Variants in A2ML1 observed in about 807,000 individuals in gnomAD.
A2ML1 encodes alpha-2-macroglobulin like 1, also known as alpha-2-macroglobulin-like protein 1.
Under a neutral mutation model 181.9 loss-of-function variants are expected in A2ML1, and 161 were observed. The observed-to-expected ratio is 0.89, with a 90% CI of 0.78 to 1.01. The LOEUF is 1.01. Ranked by LOEUF, A2ML1 falls within the 50% of genes least tolerant of loss-of-function variation. The probability of loss-of-function intolerance (pLI) is 0.00; values close to 1 mark genes in which losing one functional copy is unlikely to be tolerated. For missense variants in A2ML1, 1,670 were observed against 1,768.1 expected, an observed-to-expected ratio of 0.94 and a Z score of 1.00; for synonymous variants, 663 against 666.8, an observed-to-expected ratio of 0.99 and a Z score of 0.09.
chr12:8,879,530 T>A (rs1944849737), downstream of A2ML1, among the ~76,000 whole-genome samples: 3 of 151,756 alleles, frequency 2.0e-5, no homozygotes, highest in Admixed American at 2.0e-4. Context: ...TGAAAGCCCC[T>A]TCCACTCACT....
In A2ML1 at chr12:8,848,746, T is replaced by C. The variant is rs1430132203; in HGVS notation, c.1860T>C (p.Tyr620=). ...TCTATGGGATGTTTCCATTCTGGTA[T>C]GGTCACTACCCCTATCAAGTGGCTG... ...RSVYGMFPFW[Y]GHYPYQVAEY... is the part of the protein sequence containing the mutation. The change falls in exon 16 of 36, where the codon TAT becomes TAC. Residue 620 remains tyrosine, a synonymous_variant. Coordinates refer to ENST00000299698, the MANE Select transcript of A2ML1 (RefSeq NM_144670.6). 2 of 1,611,580 alleles carry C rather than the reference T, an allele frequency of 1.2e-6. No homozygotes were observed. The highest frequency in any genetic ancestry group is 1.7e-4 in the Middle Eastern group (1 of 6,056).
chr12:8,849,814 C>G, intron 17 of A2ML1, 55 bp downstream of exon 17: 3 of 1,533,410 alleles, frequency 2.0e-6, no homozygotes, highest in Non-Finnish European at 2.7e-6. Context: ...TCCTGGAACT[C>G]TGCAGATTTC....
chr12:8,835,780 G>A lies in A2ML1; in HGVS notation c.643+114G>A, dbSNP rs575927516. 1.0e-3 allele frequency: 1,366 copies of A among 1,361,978 alleles called. 24 individuals are homozygous for A. The South Asian group carries it at 0.017, about 17-fold the overall frequency. 84.4% of individuals were successfully genotyped at this position (1,361,978 alleles called of 1,614,324 possible). A position where few individuals can be genotyped will look rare whatever the true frequency, so the allele number is the denominator to read the frequency against. ...TGTAATCCCAGGACTTTGGGAGGCC[G>A]AGGCGGGCAGATCATGAGGTCAGGA... On this transcript the variant is annotated intron_variant, in intron 6 of 35. Transcript: ENST00000299698.
intron 23 of A2ML1, 68 bp from the exon 24 acceptor site, chr12:8,857,093 AATG>A: frequency 6.9e-7 from 1 of 1,439,570 alleles, no homozygotes; most frequent in African/African-American, 1.4e-5. Flanking sequence ...TTGTTCAGTG[AATG>A]ATGATAACTC....
At chr12:8,823,579 C>T (rs1336790249) in intron 2 of A2ML1, 141 bp from the exon 3 acceptor site, 12 of 1,107,046 alleles carry the variant, frequency 1.1e-5, no homozygotes, top group East Asian at 4.7e-5. Flanking sequence ...AATTCTTCCT[C>T]GTGGTAATTT....
chr12:8,823,788 C>A lies in A2ML1; in HGVS notation c.315C>A (p.Ile105=). The change falls in exon 3 of 36, where the codon ATC becomes ATA. Residue 105 remains isoleucine, a synonymous_variant. Transcript: ENST00000299698. ...TIRVSGVGNN[I]SFEEKKKVLI... ...GGGTGTCGGGAGTTGGAAATAACAT[C>A]AGCTTTGAGGAGAAGAAAAAGGTTC... 1 of 1,614,074 alleles carries A rather than the reference C, an allele frequency of 6.2e-7. No homozygotes were observed. Among genetic ancestry groups the A allele is most frequent in the Non-Finnish European group, 8.5e-7 (1 of 1,179,998 alleles).
chr12:8,830,279 T>A (rs183043159), intron 4 of A2ML1, among the ~76,000 whole-genome samples: 1 of 152,152 alleles, frequency 6.6e-6, no homozygotes, highest in East Asian at 1.9e-4. Context: ...CTCAAACTCC[T>A]GACCTCAAGT....
At chr12:8,840,652 G>T (rs1405240202) in intron 10 of A2ML1, among the ~76,000 whole-genome samples, 1 of 152,104 alleles carries the variant, frequency 6.6e-6, no homozygotes, top group East Asian at 1.9e-4. Context: ...GCTCATGCCT[G>T]TAATCTCAGC....
chr12:8,850,337 C>A, intron 18 of A2ML1, 63 bp downstream of exon 18: 3 of 1,294,086 alleles, frequency 2.3e-6, no homozygotes, highest in East Asian at 2.5e-5. Flanking sequence ...GTAATCCCAA[C>A]ACTTTGGGAG....
downstream of A2ML1, among the ~76,000 whole-genome samples, chr12:8,878,303 CTAAA>C (rs776364271): frequency 6.6e-5 from 10 of 152,130 alleles, no homozygotes; most frequent in East Asian, 5.8e-4. This position sits in a 1 kb window ranked among gnomAD's most constrained non-coding sequence, Gnocchi z 4.4. Context: ...AACTCCGTAT[CTAAA>C]TAAATAAATA....
At chr12:8,832,756 G>C (rs572393461) in intron 4 of A2ML1, among the ~76,000 whole-genome samples, 6 of 152,160 alleles carry the variant, frequency 3.9e-5, no homozygotes, top group African/African-American at 1.2e-4. Flanking sequence ...GGTGAGAGGA[G>C]TGGAACTGCT....
At chr12:8,843,092 TG>T in intron 11 of A2ML1, 41 bp from the exon 12 acceptor site, 1 of 1,578,756 alleles carries the variant, frequency 6.3e-7, no homozygotes, top group Non-Finnish European at 8.7e-7. Context: ...TTTCCATGGT[TG>T]GAGCACATGC....
intron 15 of A2ML1, among the ~76,000 whole-genome samples, chr12:8,848,142 A>C (rs547810097): frequency 9.9e-5 from 15 of 151,406 alleles, no homozygotes; most frequent in Middle Eastern, 3.4e-3. Context: ...AACAAAAAAA[A>C]AAAAACAAAA....
intron 15 of A2ML1, 128 bp downstream of exon 15, chr12:8,847,826 T>A (rs1943747755): frequency 1.6e-6 from 2 of 1,277,658 alleles, no homozygotes; most frequent in Non-Finnish European, 2.1e-6. Flanking sequence ...GTAAAAAGGC[T>A]GGTGTGAAAA....
In A2ML1 at chr12:8,856,898, C is replaced by CTTT. The variant is rs71891886; in HGVS notation, c.2849-249_2849-247dup. On this transcript the variant is annotated intron_variant, in intron 23 of 35. Coordinates refer to ENST00000299698, the MANE Select transcript of A2ML1 (RefSeq NM_144670.6). ...GTCTTCCCAGGACACACAGTAGGTA[C>CTTT]TTTTTTTTTTTTTTTTTTTGTATTT... Among the ~76,000 whole-genome samples, 463 of 124,948 alleles carry CTTT rather than the reference C, an allele frequency of 3.7e-3. 14 individuals are homozygous for CTTT. Among genetic ancestry groups the CTTT allele is most frequent in the African/African-American group, 6.8e-3 (230 of 33,634 alleles). 82.0% of individuals were successfully genotyped at this position (124,948 alleles called of 152,430 possible).
intron 10 of A2ML1, among the ~76,000 whole-genome samples, chr12:8,841,025 A>AGGAAGGACGGAC (rs1555109431): frequency 1.1e-4 from 14 of 126,338 alleles, no homozygotes; most frequent in South Asian, 8.1e-4. Flanking sequence ...GAAGGAAGGA[A>AGGAAGGACGGAC]GGAAGGAAGG....
In A2ML1 at chr12:8,873,218, C is replaced by T. The variant is rs1372010666; in HGVS notation, c.4222-1207C>T. Among the ~76,000 whole-genome samples the T allele has an allele frequency of 2.6e-5, 4 of 151,394 alleles. No individual in the cohort carries two copies. In the South Asian group the frequency reaches 6.3e-4, roughly 24 times the overall value. On this transcript the variant is annotated intron_variant, in intron 33 of 35. Coordinates refer to ENST00000299698, the MANE Select transcript of A2ML1 (RefSeq NM_144670.6). ...ATCCCTTCCAATTAGGCGTTAATAGCGCTATATCTAAATTTATAATACGAT... is the reference window on the plus strand; with the variant it reads ...ATCCCTTCCAATTAGGCGTTAATAGTGCTATATCTAAATTTATAATACGAT...
intron 10 of A2ML1, among the ~76,000 whole-genome samples, 191 bp downstream of exon 10, chr12:8,839,413 A>C (rs1943394005): frequency 6.6e-6 from 1 of 152,230 alleles, no homozygotes; most frequent in Non-Finnish European, 1.5e-5. Flanking sequence ...TGAGACAGGC[A>C]ACAGAGGCTA....
intron 4 of A2ML1, among the ~76,000 whole-genome samples, chr12:8,831,222 G>A (rs1032080867): frequency 2.0e-5 from 3 of 152,120 alleles, no homozygotes; most frequent in South Asian, 4.1e-4. Flanking sequence ...AAAGTGTTGG[G>A]ATTATAGGCC....
Sources: allele counts gnomAD v4.1 joint callset (sites outside exome capture counted in the v4.1 genomes callset), GRCh38; gene constraint gnomAD v4.1.1; non-coding constraint Gnocchi (gnomAD v3.1); transcripts MANE v1.5; gene names NCBI Gene and HGNC (gene_info 2026-07-23, HGNC 2026-07-21).